MTMR1: variants seen among roughly 807,000 people sequenced by gnomAD.
The protein encoded by MTMR1 is myotubularin related protein 1, also known as phosphatidylinositol-3-phosphate phosphatase MTMR1.
A neutral mutation model predicts 51.6 loss-of-function variants in MTMR1; 17 were observed. That is an observed-to-expected ratio of 0.33 (90% CI 0.23 to 0.49). The LOEUF is 0.49. Among genes scored for constraint, MTMR1 ranks in the 20% least tolerant of loss-of-function variants. MTMR1 has a pLI of 0.99. For synonymous variants in MTMR1, 201 were observed against 205.6 expected (o/e 0.98, Z 0.19); for missense variants, 386 against 526.9 (o/e 0.73, Z 2.62).
chrX:150,710,214 T>C (rs951342785), intron 2 of MTMR1, among the ~76,000 whole-genome samples: 14 of 111,920 alleles, frequency 1.3e-4, no homozygotes, highest in Admixed American at 1.2e-3. Flanking sequence ...AGAGTTGTTA[T>C]GGGCACAAAT....
chrX:150,724,726 C>T (rs1379469190), intron 4 of MTMR1, among the ~76,000 whole-genome samples: 1 of 112,116 alleles, frequency 8.9e-6, no homozygotes, highest in African/African-American at 3.2e-5. Context: ...TTGGGTTATA[C>T]ATTTAGGTCT....
At position 150,763,920 on chromosome X, in the gene MTMR1, T is replaced by G. The variant is rs1557418274; in HGVS notation, c.*1191T>G. On this transcript the variant is annotated 3_prime_UTR_variant, in exon 16 of 16. Coordinates refer to ENST00000445323, the MANE Select transcript of MTMR1 (RefSeq NM_001306144.3). Reference sequence around the variant, plus strand: ...TTAACTAACTTACCAATTGGTTCAATCCACTTGAGCGCCATAGCTCTGAGC... The same window carrying G: ...TTAACTAACTTACCAATTGGTTCAAGCCACTTGAGCGCCATAGCTCTGAGC... The G allele has an allele frequency of 8.9e-6, 1 of 112,652 alleles. No homozygotes were observed. Among genetic ancestry groups the G allele is most frequent in the African/African-American group, 3.2e-5 (1 of 31,003 alleles). 9.3% of individuals were successfully genotyped at this position (112,652 alleles called of 1,213,427 possible).
chrX:150,727,279 C>CTTTA lies in MTMR1; in HGVS notation c.418_421dup (p.Lys141IlefsTer2). 1 of 1,206,721 alleles carries CTTTA rather than the reference C, an allele frequency of 8.3e-7. No homozygotes were observed. The highest frequency in any genetic ancestry group is 1.8e-5 in the South Asian group (1 of 56,373). On this transcript the variant is annotated frameshift_variant, in exon 5 of 16. Coordinates refer to ENST00000445323, the MANE Select transcript of MTMR1 (RefSeq NM_001306144.3). LOFTEE classifies it high-confidence loss of function. ...TGAGTGGAACCCTGACAGTGACGGACTTTAAGCTGTACTTCAAAAATGTCG... is the reference window on the plus strand; with the variant it reads ...TGAGTGGAACCCTGACAGTGACGGACTTTATTTAAGCTGTACTTCAAAAATGTCG...
intron 2 of MTMR1, among the ~76,000 whole-genome samples, chrX:150,705,837 G>T (rs1310840541): frequency 8.9e-6 from 1 of 111,734 alleles, no homozygotes; most frequent in African/African-American, 3.3e-5. Context: ...CAGGATACAA[G>T]ACAATATAGA....
chrX:150,738,940 C>T (rs1347342815), intron 12 of MTMR1, among the ~76,000 whole-genome samples: 11 of 112,362 alleles, frequency 9.8e-5, no homozygotes, highest in Non-Finnish European at 1.9e-4. Context: ...TTTAGTCCAA[C>T]TGGCAGCTAC....
At chrX:150,727,546 T>C in intron 5 of MTMR1, 138 bp from the exon 6 acceptor site, 1 of 512,173 alleles carries the variant, frequency 2.0e-6, no homozygotes. Context: ...CAAGGAATGC[T>C]GTCAATCAGA....
chrX:150,712,393 G>A, intron 3 of MTMR1, 28 bp downstream of exon 3: 1 of 1,152,565 alleles, frequency 8.7e-7, no homozygotes, highest in Non-Finnish European at 1.2e-6. Flanking sequence ...TCAGCGGATG[G>A]GCCTCCTACT....
At chrX:150,742,816 C>CAA (rs1159891625) in intron 12 of MTMR1, among the ~76,000 whole-genome samples, 31 of 21,610 alleles carry the variant, frequency 1.4e-3, no homozygotes, top group African/African-American at 2.9e-3. Flanking sequence ...GACTCCATCT[C>CAA]AAAAAAAAAA....
chrX:150,762,686 C>T lies in MTMR1; in HGVS notation c.1979C>T (p.Ser660Phe). 8.4e-7 allele frequency: 1 copy of T among 1,187,404 alleles called. No homozygotes were observed. The highest frequency in any genetic ancestry group is 1.1e-6 in the Non-Finnish European group (1 of 881,340). Residue 660 changes from serine (S) to phenylalanine (F), a missense_variant, in exon 16 of 16, where the codon TCC becomes TTC. Ser to Phe is a radical substitution (Grantham distance 155). Transcript: ENST00000445323. The stretch of plus-strand genomic sequence containing the variant: ...GTCTCATCCTCATCTGAGCGGGGCT[C>T]CTCGCCCTCCCACTCCGCCACCTCC... ...RAVSSSSERG[S>F]SPSHSATSVH...
At chrX:150,739,225 G>T (rs1008870296) in intron 12 of MTMR1, among the ~76,000 whole-genome samples, 1 of 112,901 alleles carries the variant, frequency 8.9e-6, no homozygotes, top group African/African-American at 3.2e-5. Context: ...CCCTGGGCAT[G>T]TGCCTTCCCC....
intron 4 of MTMR1, among the ~76,000 whole-genome samples, chrX:150,726,628 A>T (rs887767890): frequency 8.9e-6 from 1 of 112,349 alleles, no homozygotes; most frequent in South Asian, 3.7e-4. Context: ...AAACATGAAG[A>T]TGTGGTATCT....
chrX:150,709,789 C>T (rs1557416159), intron 2 of MTMR1, among the ~76,000 whole-genome samples: 2 of 111,237 alleles, frequency 1.8e-5, no homozygotes, highest in Non-Finnish European at 3.8e-5. Context: ...TCAAAGACAG[C>T]GCCCAGCCAT....
At chrX:150,762,520 TAGG>T (rs1175338785) in intron 15 of MTMR1, 42 bp from the exon 16 acceptor site, 2 of 1,203,648 alleles carry the variant, frequency 1.7e-6, no homozygotes, top group Non-Finnish European at 2.2e-6. Flanking sequence ...AACGCTGTGG[TAGG>T]AGGATGGCCT....
intron 5 of MTMR1, 128 bp from the exon 6 acceptor site, chrX:150,727,556 A>G (rs2041979641): frequency 1.9e-6 from 1 of 530,523 alleles, no homozygotes; most frequent in Admixed American, 3.7e-5. Context: ...TGTCAATCAG[A>G]CTTCAATTTA....
At chrX:150,751,422 C>T (rs2042726027) in intron 14 of MTMR1, 2 of 137,427 alleles carry the variant, frequency 1.5e-5, no homozygotes, top group Non-Finnish European at 1.4e-5. Flanking sequence ...TAGACAAGGA[C>T]CAATGCCTGT....
chrX:150,747,348 G>C (rs1011719508), intron 13 of MTMR1, among the ~76,000 whole-genome samples: 1 of 110,724 alleles, frequency 9.0e-6, no homozygotes, highest in African/African-American at 3.3e-5. Context: ...CCAGTTACTC[G>C]GGCGGCTGAG....
intron 15 of MTMR1, among the ~76,000 whole-genome samples, chrX:150,761,524 G>C (rs928203867): frequency 8.9e-6 from 1 of 112,991 alleles, no homozygotes; most frequent in Non-Finnish European, 1.9e-5. Flanking sequence ...CCAGACTGCA[G>C]AGGGCCTCGA....
chrX:150,700,105 A>T (rs2148549935), intron 2 of MTMR1, among the ~76,000 whole-genome samples: 1 of 112,367 alleles, frequency 8.9e-6, no homozygotes, highest in Admixed American at 9.4e-5. Flanking sequence ...CCTGCTAGTA[A>T]GAGATGATTG....
chrX:150,744,220 T>C, intron 12 of MTMR1, 141 bp from the exon 13 acceptor site: 1 of 387,052 alleles, frequency 2.6e-6, no homozygotes, highest in Non-Finnish European at 4.5e-6. Context: ...TTCGATTTGA[T>C]AGACATTTTT....
Sources: allele counts gnomAD v4.1 joint callset (sites outside exome capture counted in the v4.1 genomes callset), GRCh38; gene constraint gnomAD v4.1.1; transcripts MANE v1.5; gene names NCBI Gene and HGNC (gene_info 2026-07-23, HGNC 2026-07-21).